The following MACROD2 variants were observed in gnomAD, a reference collection of about 807,000 sequenced individuals.
MACROD2 encodes mono-ADP ribosylhydrolase 2, also known as ADP-ribose glycohydrolase MACROD2.
Under a neutral mutation model 70.4 loss-of-function variants are expected in MACROD2, and 36 were observed. That is an observed-to-expected ratio of 0.51 (90% CI 0.39 to 0.68). The LOEUF (loss-of-function observed/expected upper bound fraction) is 0.68. Among genes scored for constraint, MACROD2 ranks in the 30% least tolerant of loss-of-function variants. The probability of loss-of-function intolerance (pLI) is 0.00; values close to 1 mark genes in which losing one functional copy is unlikely to be tolerated. For synonymous variants in MACROD2, 172 were observed against 178.8 expected, an observed-to-expected ratio of 0.96 and a Z score of 0.30; for missense variants, 496 against 538.4, an observed-to-expected ratio of 0.92 and a Z score of 0.78.
intron 6 of MACROD2, among the ~76,000 whole-genome samples, chr20:15,411,149 T>TACAAACACACAC (rs142349786): frequency 6.9e-6 from 1 of 144,184 alleles, no homozygotes; most frequent in Non-Finnish European, 1.5e-5. Context: ...GATATGTATT[T>TACAAACACACAC]ACACACACAC....
intron 4 of MACROD2, among the ~76,000 whole-genome samples, chr20:14,543,924 C>T (rs759640346): frequency 3.3e-5 from 5 of 152,116 alleles, no homozygotes; most frequent in Non-Finnish European, 7.4e-5. Context: ...CAAACTTGTC[C>T]ATATCATTAC....
At chr20:15,126,526 T>C (rs532437514) in intron 5 of MACROD2, among the ~76,000 whole-genome samples, 2 of 152,234 alleles carry the variant, frequency 1.3e-5, no homozygotes, top group East Asian at 3.9e-4. Context: ...TCTTGCAGCT[T>C]ACAGTAGTTC....
intron 6 of MACROD2, among the ~76,000 whole-genome samples, chr20:15,411,515 G>A (rs1237054661): frequency 6.6e-6 from 1 of 152,158 alleles, no homozygotes; most frequent in East Asian, 1.9e-4. Context: ...TTTCTCATCT[G>A]TCTTTGAAAG....
intron 6 of MACROD2, among the ~76,000 whole-genome samples, chr20:15,252,477 C>T (rs898094682): frequency 5.3e-5 from 8 of 152,182 alleles, no homozygotes; most frequent in African/African-American, 1.9e-4. Context: ...CTCTCTGGAA[C>T]TGTTGCTTGT....
At chr20:15,208,949 G>A (rs2076735955) in intron 5 of MACROD2, among the ~76,000 whole-genome samples, 1 of 152,152 alleles carries the variant, frequency 6.6e-6, no homozygotes, top group African/African-American at 2.4e-5. Context: ...CCTCGGTACA[G>A]TGAGGTGCAG....
chr20:15,587,706 A>G (rs575235113), intron 8 of MACROD2, among the ~76,000 whole-genome samples: 4 of 152,322 alleles, frequency 2.6e-5, no homozygotes, highest in Admixed American at 2.6e-4. Context: ...GGGCAGTCAC[A>G]TTTTAAAGCT....
chr20:14,349,989 TCCAC>T (rs1490438407), intron 3 of MACROD2, among the ~76,000 whole-genome samples: 1 of 151,834 alleles, frequency 6.6e-6, no homozygotes, highest in East Asian at 1.9e-4. Flanking sequence ...CCTCAGGCGA[TCCAC>T]CCACCTCAGC....
At chr20:14,378,323 T>C (rs1013468325) in intron 3 of MACROD2, among the ~76,000 whole-genome samples, 4 of 152,180 alleles carry the variant, frequency 2.6e-5, no homozygotes, top group Non-Finnish European at 5.9e-5. Context: ...TGTCATGGTT[T>C]CCAGGCCCTC....
Position 15,801,200 on chromosome 20 carries a change from A to AAAAG in MACROD2, c.646-61542_646-61541insGAAA, listed in dbSNP as rs1555781106. Among the ~76,000 whole-genome samples, 338 of 137,870 alleles carry AAAAG rather than the reference A, an allele frequency of 2.5e-3. 7 individuals are homozygous for AAAAG. The highest frequency in any genetic ancestry group is 7.1e-3 in the African/African-American group (252 of 35,306). The allele number at this position is 137,870 out of a possible 152,430, so 90.4% of individuals were successfully genotyped here. On this transcript the variant is annotated intron_variant, in intron 8 of 17. Coordinates refer to ENST00000684519, the MANE Select transcript of MACROD2 (RefSeq NM_001351661.2). ...GAATGATCAATTAAAAAAAAAAAAAAAAAACGAAAAACAAAACAAACAAAC... is the reference window on the plus strand; with the variant it reads ...GAATGATCAATTAAAAAAAAAAAAAAAAAGAAAACGAAAAACAAAACAAACAAAC...
intron 6 of MACROD2, among the ~76,000 whole-genome samples, chr20:15,378,153 GA>G: frequency 1.0e-5 from 1 of 95,416 alleles, no homozygotes; most frequent in Non-Finnish European, 1.9e-5. Context: ...AAAAATAAAA[GA>G]AGAGAGAGAG....
chr20:15,702,356 AT>A (rs2050472428), intron 8 of MACROD2, among the ~76,000 whole-genome samples: 1 of 152,172 alleles, frequency 6.6e-6, no homozygotes, highest in African/African-American at 2.4e-5. Context: ...GTTAATGGTC[AT>A]TCTGACTTGT....
At chr20:15,134,810 T>C (rs1416505284) in intron 5 of MACROD2, among the ~76,000 whole-genome samples, 2 of 151,990 alleles carry the variant, frequency 1.3e-5, no homozygotes, top group African/African-American at 4.8e-5. Context: ...ACAAAATTGA[T>C]AGACCGCTAG....
intron 8 of MACROD2, among the ~76,000 whole-genome samples, chr20:15,812,264 T>C (rs1048186509): frequency 6.6e-6 from 1 of 152,204 alleles, no homozygotes; most frequent in Non-Finnish European, 1.5e-5. Context: ...GAGTCCTTTC[T>C]CTTATTATTT....
intron 6 of MACROD2, among the ~76,000 whole-genome samples, chr20:15,289,401 C>T (rs1176882032): frequency 6.6e-6 from 1 of 152,078 alleles, no homozygotes; most frequent in Non-Finnish European, 1.5e-5. Context: ...ATAAAGTATT[C>T]AAAGTCAATG....
intron 5 of MACROD2, among the ~76,000 whole-genome samples, chr20:14,710,804 G>A (rs777004590): frequency 2.0e-5 from 3 of 151,846 alleles, no homozygotes; most frequent in Non-Finnish European, 2.9e-5. Flanking sequence ...AAACCTTTCT[G>A]CAAAAAAACA....
chr20:15,583,546 C>A (rs79879300), intron 8 of MACROD2, among the ~76,000 whole-genome samples: 1 of 152,206 alleles, frequency 6.6e-6, no homozygotes, highest in Non-Finnish European at 1.5e-5. Flanking sequence ...TGCAGACAAG[C>A]CTTTATGCTC....
chr20:16,000,034 TAC>T (rs2066687720), intron 15 of MACROD2, among the ~76,000 whole-genome samples: 1 of 152,236 alleles, frequency 6.6e-6, no homozygotes, highest in African/African-American at 2.4e-5. Context: ...CCAAAATTAT[TAC>T]AGTTATCGCA....
chr20:14,339,141 T>A (rs2082985983), intron 3 of MACROD2, among the ~76,000 whole-genome samples: 1 of 152,238 alleles, frequency 6.6e-6, no homozygotes, highest in African/African-American at 2.4e-5. Flanking sequence ...ATTTGTTTGA[T>A]AACAGTTTGA....
intron 5 of MACROD2, among the ~76,000 whole-genome samples, chr20:15,212,420 C>A (rs536480293): frequency 1.1e-4 from 16 of 152,280 alleles, no homozygotes; most frequent in African/African-American, 3.4e-4. Flanking sequence ...CTTCCTACTG[C>A]AAAATGAGCT....
Sources: allele counts gnomAD v4.1 joint callset (sites outside exome capture counted in the v4.1 genomes callset), GRCh38; gene constraint gnomAD v4.1.1; transcripts MANE v1.5; gene names NCBI Gene and HGNC (gene_info 2026-07-23, HGNC 2026-07-21).